The following SLC24A2 variants were observed in gnomAD, a reference collection of about 807,000 sequenced individuals.
SLC24A2 encodes the protein sodium/potassium/calcium exchanger 2.
In SLC24A2, 36 loss-of-function variants were observed where a neutral mutation model predicts 62.0. The observed-to-expected ratio is 0.58, with a 90% CI of 0.44 to 0.77. The LOEUF is 0.77. Among genes scored for constraint, SLC24A2 ranks in the 30% least tolerant of loss-of-function variants. The pLI is 0.00. For missense variants in SLC24A2, 846 were observed against 817.9 expected (o/e 1.03, Z -0.42); for synonymous variants, 358 against 294.0 (o/e 1.22, Z -2.23).
chr9:20,216,879 CAG>C, the SLC24A2 span, among the ~76,000 whole-genome samples: 1 of 151,946 alleles, frequency 6.6e-6, no homozygotes, highest in Non-Finnish European at 1.5e-5. Flanking sequence ...TTTCCCAAGG[CAG>C]AGAGAGAAAA....
the SLC24A2 span, among the ~76,000 whole-genome samples, chr9:20,092,941 A>G: frequency 6.6e-6 from 1 of 152,196 alleles, no homozygotes; most frequent in African/African-American, 2.4e-5. Context: ...TATGGCAAAT[A>G]GTTTCTTTTT....
the SLC24A2 span, among the ~76,000 whole-genome samples, chr9:20,303,825 T>A: frequency 6.6e-6 from 1 of 152,214 alleles, no homozygotes; most frequent in Admixed American, 6.5e-5. Context: ...CCTCACTGTG[T>A]TCCTAGTCTT....
At chr9:19,950,313 A>G in the SLC24A2 span, among the ~76,000 whole-genome samples, 21 of 152,338 alleles carry the variant, frequency 1.4e-4, no homozygotes, top group East Asian at 2.7e-3. Context: ...TATTTTTATT[A>G]CAAAAAAACT....
At chr9:19,955,303 CA>C in the SLC24A2 span, among the ~76,000 whole-genome samples, 19 of 147,752 alleles carry the variant, frequency 1.3e-4, no homozygotes, top group African/African-American at 4.7e-4. Flanking sequence ...AAAGATTCAA[CA>C]AAAAAATTTT....
intron 2 of SLC24A2, among the ~76,000 whole-genome samples, chr9:19,635,939 G>A (rs886325993): frequency 6.6e-6 from 1 of 152,166 alleles, no homozygotes; most frequent in African/African-American, 2.4e-5. Context: ...TGTTGCCTTA[G>A]CAGGTTAACG....
At chr9:19,923,978 G>A in the SLC24A2 span, among the ~76,000 whole-genome samples, 1 of 152,118 alleles carries the variant, frequency 6.6e-6, no homozygotes, top group African/African-American at 2.4e-5. Context: ...ACTTCAGGTG[G>A]TACACCTGCC....
the SLC24A2 span, among the ~76,000 whole-genome samples, chr9:19,809,467 G>A: frequency 6.6e-6 from 1 of 152,152 alleles, no homozygotes; most frequent in Non-Finnish European, 1.5e-5. Context: ...GATAGTGAGG[G>A]TATGGAAGCC....
At chr9:20,059,157 A>T in the SLC24A2 span, among the ~76,000 whole-genome samples, 1 of 152,222 alleles carries the variant, frequency 6.6e-6, no homozygotes, top group East Asian at 1.9e-4. Context: ...GTGATTAAGA[A>T]TTCCAAGATG....
chr9:19,739,669 G>A (rs1312320834), intron 2 of SLC24A2, among the ~76,000 whole-genome samples: 2 of 152,134 alleles, frequency 1.3e-5, no homozygotes, highest in Non-Finnish European at 2.9e-5. Context: ...TCAATTGTAG[G>A]TGGATTATAA....
At chr9:19,819,992 A>AGT in the SLC24A2 span, among the ~76,000 whole-genome samples, 37 of 50,352 alleles carry the variant, frequency 7.3e-4, 1 homozygote, top group African/African-American at 1.9e-3. Flanking sequence ...AAGAAACTGC[A>AGT]GTATATATAT....
At chr9:20,286,582 G>C in the SLC24A2 span, among the ~76,000 whole-genome samples, 8 of 152,330 alleles carry the variant, frequency 5.3e-5, no homozygotes, top group South Asian at 6.2e-4. Context: ...TGCTGCAAGG[G>C]GGGGCTGAGA....
intron 4 of SLC24A2, among the ~76,000 whole-genome samples, chr9:19,609,336 C>G (rs944903898): frequency 1.3e-5 from 2 of 152,234 alleles, no homozygotes; most frequent in Non-Finnish European, 2.9e-5. Flanking sequence ...GTGCTTATAC[C>G]CTATGGCAGT....
At chr9:20,227,535 TAAAAA>T in the SLC24A2 span, among the ~76,000 whole-genome samples, 3 of 124,636 alleles carry the variant, frequency 2.4e-5, no homozygotes, top group African/African-American at 8.8e-5. Context: ...CACACATTTC[TAAAAA>T]AAAAAAAAAA....
chr9:19,977,622 A>C, the SLC24A2 span, among the ~76,000 whole-genome samples: 2 of 152,184 alleles, frequency 1.3e-5, no homozygotes, highest in African/African-American at 2.4e-5. Context: ...CATGTGTGTC[A>C]GGCAAGTAGC....
chr9:19,873,178 G>A, the SLC24A2 span, among the ~76,000 whole-genome samples: 2 of 148,660 alleles, frequency 1.3e-5, no homozygotes, highest in African/African-American at 5.1e-5. Flanking sequence ...ATCTAAGTAA[G>A]GTGTCCCTTC....
the SLC24A2 span, among the ~76,000 whole-genome samples, chr9:20,200,688 A>T: frequency 6.6e-6 from 1 of 152,200 alleles, no homozygotes; most frequent in Non-Finnish European, 1.5e-5. Context: ...CTTCAGCTTT[A>T]TTAGCTTCAT....
chr9:19,687,527 T>C (rs1288694201), intron 2 of SLC24A2, among the ~76,000 whole-genome samples: 4 of 152,110 alleles, frequency 2.6e-5, no homozygotes, highest in African/African-American at 9.7e-5. Flanking sequence ...AAATGTTTCC[T>C]GACTTCCTCA....
At chr9:19,815,065 AGAG>A in the SLC24A2 span, among the ~76,000 whole-genome samples, 10 of 152,160 alleles carry the variant, frequency 6.6e-5, no homozygotes, top group African/African-American at 2.4e-4. Flanking sequence ...TTTTAAAGAT[AGAG>A]GAGAATTATA....
the SLC24A2 span, among the ~76,000 whole-genome samples, chr9:19,931,488 G>T: frequency 1.3e-5 from 2 of 152,064 alleles, no homozygotes; most frequent in Non-Finnish European, 2.9e-5. Flanking sequence ...CTATGCCTTT[G>T]TTGTTCTACT....
Sources: gnomAD v4.1 joint callset for allele counts (sites outside exome capture counted in the v4.1 genomes callset) on GRCh38, gnomAD v4.1.1 for gene constraint, MANE v1.5 for transcripts, NCBI Gene and HGNC (gene_info 2026-07-23, HGNC 2026-07-21) for gene names.